NALCN: variants seen among roughly 807,000 people sequenced by gnomAD.
NALCN encodes sodium leak channel, non-selective, also known as sodium leak channel NALCN.
A neutral mutation model predicts 225.3 loss-of-function variants in NALCN; 111 were observed. The ratio of observed to expected loss-of-function variants is 0.49; its 90% CI spans 0.42 to 0.58. The LOEUF is 0.58. Ranked by LOEUF, NALCN falls within the 20% of genes least tolerant of loss-of-function variation. The pLI, the probability that NALCN is intolerant of heterozygous loss-of-function variation, is 0.00. For missense variants in NALCN, 1,378 were observed against 2,202.4 expected, an observed-to-expected ratio of 0.63 and a Z score of 7.49; for synonymous variants, 764 against 769.0, an observed-to-expected ratio of 0.99 and a Z score of 0.11.
At chr13:101,216,509 T>C (rs767721891) in intron 13 of NALCN, among the ~76,000 whole-genome samples, 9 of 152,132 alleles carry the variant, frequency 5.9e-5, no homozygotes, top group Admixed American at 5.9e-4. Flanking sequence ...TATGTTTTAT[T>C]ATTATTCATA....
chr13:101,259,751 T>TATATATATATATATATATAC (rs10622707), intron 10 of NALCN, among the ~76,000 whole-genome samples: 2 of 131,952 alleles, frequency 1.5e-5, no homozygotes, highest in East Asian at 4.4e-4. Flanking sequence ...TATATATATA[T>TATATATATATATATATATAC]ACACACACAC....
intron 27 of NALCN, among the ~76,000 whole-genome samples, chr13:101,099,498 T>C (rs2034693030): frequency 6.6e-6 from 1 of 152,014 alleles, no homozygotes; most frequent in Non-Finnish European, 1.5e-5. Context: ...AAGATATACA[T>C]TTAGGAACTG....
chr13:101,287,034 T>C (rs921561687), intron 9 of NALCN, among the ~76,000 whole-genome samples: 2 of 152,212 alleles, frequency 1.3e-5, no homozygotes, highest in African/African-American at 4.8e-5. Context: ...CGATAACTTA[T>C]TGCTAGAGAC....
intron 6 of NALCN, among the ~76,000 whole-genome samples, chr13:101,355,700 T>C (rs1008285182): frequency 6.6e-6 from 1 of 152,192 alleles, no homozygotes; most frequent in African/African-American, 2.4e-5. Context: ...CAAGTGGACC[T>C]AATGGACATC....
chr13:101,357,431 A>G (rs980949502), intron 6 of NALCN, among the ~76,000 whole-genome samples: 6 of 152,178 alleles, frequency 3.9e-5, no homozygotes, highest in African/African-American at 1.4e-4. Context: ...ACTCCCATTC[A>G]CAATTGCTAC....
chr13:101,109,233 T>C (rs1396727199), intron 20 of NALCN, among the ~76,000 whole-genome samples: 1 of 152,170 alleles, frequency 6.6e-6, no homozygotes, highest in Non-Finnish European at 1.5e-5. Flanking sequence ...AGGCCATATG[T>C]TGGATTTGAT....
intron 13 of NALCN, among the ~76,000 whole-genome samples, chr13:101,206,636 C>A (rs1393255499): frequency 6.6e-6 from 1 of 151,360 alleles, no homozygotes; most frequent in Non-Finnish European, 1.5e-5. Context: ...TATCAGTCCA[C>A]CTGTTTCCAT....
At chr13:101,399,548 G>A (rs1212780694) in intron 1 of NALCN, among the ~76,000 whole-genome samples, 4 of 152,162 alleles carry the variant, frequency 2.6e-5, no homozygotes, top group African/African-American at 9.7e-5. Context: ...GAGTAATACA[G>A]ATGAAATGCA....
chr13:101,346,087 C>CTCTCTCTATATATATA, intron 6 of NALCN, among the ~76,000 whole-genome samples: 122 of 70,950 alleles, frequency 1.7e-3, no homozygotes, highest in African/African-American at 4.5e-3. Flanking sequence ...CTCTCTCTCT[C>CTCTCTCTATATATATA]TATATATATA....
At chr13:101,217,172 C>T (rs1475149238) in intron 13 of NALCN, among the ~76,000 whole-genome samples, 1 of 152,100 alleles carries the variant, frequency 6.6e-6, no homozygotes, top group Non-Finnish European at 1.5e-5. Context: ...TAAAATCTTA[C>T]TGAAGCTGCT....
chr13:101,337,075 G>T (rs2045399815), intron 7 of NALCN, among the ~76,000 whole-genome samples: 1 of 152,044 alleles, frequency 6.6e-6, no homozygotes, highest in Non-Finnish European at 1.5e-5. Context: ...GATGTTTACA[G>T]CTCAGTAGCT....
At chr13:101,350,410 T>C (rs1412153308) in intron 6 of NALCN, among the ~76,000 whole-genome samples, 1 of 152,034 alleles carries the variant, frequency 6.6e-6, no homozygotes, top group East Asian at 1.9e-4. Flanking sequence ...AGCTTAACTA[T>C]CATTTTCTCG....
At chr13:101,279,811 C>T (rs1245569153) in intron 10 of NALCN, among the ~76,000 whole-genome samples, 1 of 125,862 alleles carries the variant, frequency 7.9e-6, no homozygotes, top group Non-Finnish European at 1.7e-5. Flanking sequence ...AGCGAGACTC[C>T]GTCTCAAAAA....
At chr13:101,080,287 G>T (rs1244759349) in intron 34 of NALCN, among the ~76,000 whole-genome samples, 12 of 152,028 alleles carry the variant, frequency 7.9e-5, no homozygotes, top group East Asian at 1.9e-4. Flanking sequence ...ACCACATGTG[G>T]TTACTGAGCA....
intron 15 of NALCN, among the ~76,000 whole-genome samples, chr13:101,163,294 T>C (rs2038278054): frequency 6.6e-6 from 1 of 152,150 alleles, no homozygotes; most frequent in African/African-American, 2.4e-5. Context: ...AATTAAAGAA[T>C]GATACAACCG....
intron 7 of NALCN, among the ~76,000 whole-genome samples, chr13:101,324,109 A>C (rs910894077): frequency 9.8e-5 from 15 of 152,288 alleles, no homozygotes; most frequent in African/African-American, 3.1e-4. Flanking sequence ...AGAGGGTAAA[A>C]AAATTTACTG....
chr13:101,056,442 A>G (rs901178611), intron 43 of NALCN, among the ~76,000 whole-genome samples: 5 of 151,710 alleles, frequency 3.3e-5, no homozygotes, highest in Non-Finnish European at 7.4e-5. Context: ...TTGTATTTTT[A>G]GTAGAGACAG....
intron 13 of NALCN, among the ~76,000 whole-genome samples, chr13:101,197,164 A>C (rs2039925969): frequency 6.6e-6 from 1 of 152,094 alleles, no homozygotes; most frequent in Non-Finnish European, 1.5e-5. Context: ...TTGGCCACAG[A>C]CTTCACAGAT....
intron 7 of NALCN, among the ~76,000 whole-genome samples, chr13:101,315,713 A>G (rs1352594149): frequency 6.6e-6 from 1 of 152,200 alleles, no homozygotes; most frequent in East Asian, 1.9e-4. Context: ...TCAAGTAATC[A>G]TTAATAAGAA....
Sources: gnomAD v4.1 joint callset for allele counts (sites outside exome capture counted in the v4.1 genomes callset) on GRCh38, gnomAD v4.1.1 for gene constraint, MANE v1.5 for transcripts, NCBI Gene and HGNC (gene_info 2026-07-23, HGNC 2026-07-21) for gene names.